DIAPH2: variants seen among roughly 807,000 people sequenced by gnomAD.
The protein encoded by DIAPH2 is protein diaphanous homolog 2.
A neutral mutation model predicts 92.7 loss-of-function variants in DIAPH2; 35 were observed. The observed-to-expected ratio is 0.38, with a 90% confidence interval of 0.29 to 0.50. DIAPH2 has a LOEUF of 0.50. Among genes scored for constraint, DIAPH2 ranks in the 20% least tolerant of loss-of-function variants. DIAPH2 has a pLI of 0.94. For missense variants in DIAPH2, 701 were observed against 819.5 expected (o/e 0.86, Z 1.77); for synonymous variants, 301 against 280.4 (o/e 1.07, Z -0.73).
At chrX:97,492,782 A>T (rs2070733304) in intron 26 of DIAPH2, among the ~76,000 whole-genome samples, 1 of 111,879 alleles carries the variant, frequency 8.9e-6, no homozygotes, top group Non-Finnish European at 1.9e-5. Flanking sequence ...TTGAGGACTC[A>T]CTTTACATCA....
intron 4 of DIAPH2, among the ~76,000 whole-genome samples, chrX:96,829,714 C>G (rs1022875671): frequency 9.1e-6 from 1 of 110,460 alleles, no homozygotes; most frequent in Non-Finnish European, 1.9e-5. Flanking sequence ...AGGCTGGTCT[C>G]GAACTCCTGA....
chrX:96,985,861 T>C (rs938853849), intron 17 of DIAPH2, among the ~76,000 whole-genome samples: 1 of 111,156 alleles, frequency 9.0e-6, no homozygotes, highest in African/African-American at 3.3e-5. Context: ...CTTTGAAGTG[T>C]GGGGTTTTGA....
chrX:97,032,795 C>A (rs538856009), intron 17 of DIAPH2, among the ~76,000 whole-genome samples: 1 of 111,500 alleles, frequency 9.0e-6, no homozygotes, highest in South Asian at 3.8e-4. Flanking sequence ...TTTATTTGCA[C>A]CCTTTGCCTA....
chrX:96,891,647 A>G (rs2065308152), intron 5 of DIAPH2, among the ~76,000 whole-genome samples: 1 of 112,502 alleles, frequency 8.9e-6, no homozygotes, highest in African/African-American at 3.2e-5. Context: ...TTCCCAGCAC[A>G]TGACAAAAAC....
intron 26 of DIAPH2, among the ~76,000 whole-genome samples, chrX:97,542,781 G>T (rs963339304): frequency 4.5e-5 from 5 of 111,027 alleles, no homozygotes; most frequent in Non-Finnish European, 9.4e-5. Flanking sequence ...GACTCTGCTT[G>T]TATTGATCTT....
rs759613613 is a variant in DIAPH2, at chrX:97,355,297, T to C, written c.3009+7017T>C. Among the ~76,000 whole-genome samples, 13 of 110,998 alleles carry C rather than the reference T, an allele frequency of 1.2e-4. No homozygotes were observed. The South Asian group carries it at 4.6e-3, about 39-fold the overall frequency. On this transcript the variant is annotated intron_variant, in intron 24 of 26. Coordinates refer to ENST00000324765, the MANE Select transcript of DIAPH2 (RefSeq NM_006729.5). ...ATTCATTTATTAATGGTAATTTACC[T>C]TTAAAGAAATGAGGGTGAATTTTTA...
At chrX:97,529,198 T>G (rs1251926122) in intron 26 of DIAPH2, 1 of 112,390 alleles carries the variant, frequency 8.9e-6, no homozygotes, top group Non-Finnish European at 1.9e-5. Flanking sequence ...ACATTCATTT[T>G]TACTTGGATA....
chrX:96,957,704 TA>T, intron 15 of DIAPH2, 123 bp from the exon 16 acceptor site: 1 of 553,932 alleles, frequency 1.8e-6, no homozygotes, highest in Non-Finnish European at 2.8e-6. Context: ...TAGTAATATC[TA>T]AAAAAGTATA....
At chrX:97,056,890 A>G (rs745439967) in intron 17 of DIAPH2, among the ~76,000 whole-genome samples, 1 of 112,173 alleles carries the variant, frequency 8.9e-6, no homozygotes, top group East Asian at 2.8e-4. Flanking sequence ...CATAGGTTTG[A>G]TCTAGGTTTG....
chrX:97,429,343 C>A (rs188024377), intron 25 of DIAPH2, among the ~76,000 whole-genome samples: 2 of 111,375 alleles, frequency 1.8e-5, no homozygotes, highest in South Asian at 3.8e-4. Flanking sequence ...TTATAAGAAT[C>A]TTAACAGGAA....
At chrX:96,838,805 T>A (rs758999031) in intron 4 of DIAPH2, among the ~76,000 whole-genome samples, 1 of 112,211 alleles carries the variant, frequency 8.9e-6, no homozygotes, top group Admixed American at 9.4e-5. Flanking sequence ...GCAGCTGAGA[T>A]GCTGAATAAG....
chrX:96,902,722 A>G (rs917692684), intron 5 of DIAPH2, among the ~76,000 whole-genome samples: 3 of 111,582 alleles, frequency 2.7e-5, no homozygotes, highest in Non-Finnish European at 5.7e-5. Flanking sequence ...TTAAGAATGT[A>G]TGTATGTGCA....
chrX:96,746,335 C>A (rs2147580273), intron 3 of DIAPH2, among the ~76,000 whole-genome samples: 1 of 111,601 alleles, frequency 9.0e-6, no homozygotes, highest in Admixed American at 9.5e-5. Flanking sequence ...AGAAGTGGTT[C>A]TTTTACTAAA....
At chrX:96,686,423 T>C (rs1442626915) in intron 1 of DIAPH2, among the ~76,000 whole-genome samples, 1 of 111,784 alleles carries the variant, frequency 8.9e-6, no homozygotes, top group African/African-American at 3.3e-5. Flanking sequence ...CTGTTAGTAG[T>C]AACACCTTGA....
intron 14 of DIAPH2, among the ~76,000 whole-genome samples, chrX:96,947,593 A>G (rs949629107): frequency 5.4e-5 from 6 of 111,132 alleles, no homozygotes; most frequent in Admixed American, 2.9e-4. Context: ...TTCGACCCAA[A>G]CAGTATTATT....
intron 23 of DIAPH2, among the ~76,000 whole-genome samples, chrX:97,281,107 CTT>C (rs1305329573): frequency 1.8e-5 from 2 of 111,864 alleles, no homozygotes; most frequent in Non-Finnish European, 3.8e-5. Flanking sequence ...GAGTAAAACT[CTT>C]TACGCCCCTG....
intron 4 of DIAPH2, among the ~76,000 whole-genome samples, chrX:96,770,133 G>A (rs1440421581): frequency 1.8e-5 from 2 of 109,793 alleles, no homozygotes; most frequent in Non-Finnish European, 3.8e-5. Context: ...GGGAGGCAGA[G>A]GTTGCAGTGA....
intron 26 of DIAPH2, among the ~76,000 whole-genome samples, chrX:97,500,145 A>G (rs1569412596): frequency 8.9e-6 from 1 of 112,039 alleles, no homozygotes; most frequent in East Asian, 2.8e-4. Context: ...ATAACTCTAT[A>G]TAATGTATGT....
At chrX:96,941,850 C>A (rs977468296) in intron 12 of DIAPH2, among the ~76,000 whole-genome samples, 168 bp from the exon 13 acceptor site, 7 of 109,694 alleles carry the variant, frequency 6.4e-5, no homozygotes, top group African/African-American at 2.3e-4. Flanking sequence ...ACACCCAGAC[C>A]ATCCTTAAGC....
Sources: gnomAD v4.1 joint callset for allele counts (sites outside exome capture counted in the v4.1 genomes callset) on GRCh38, gnomAD v4.1.1 for gene constraint, MANE v1.5 for transcripts, NCBI Gene and HGNC (gene_info 2026-07-23, HGNC 2026-07-21) for gene names.